Variants in ARHGAP25 observed in about 807,000 individuals in gnomAD.
The protein encoded by ARHGAP25 is rho GTPase-activating protein 25.
A neutral mutation model predicts 71.0 loss-of-function variants in ARHGAP25; 34 were observed. The ratio of observed to expected loss-of-function variants is 0.48; its 90% CI spans 0.36 to 0.64. The LOEUF (loss-of-function observed/expected upper bound fraction) is 0.64, where lower values mean the gene tolerates loss of function less well. Ranked by LOEUF, ARHGAP25 falls within the 30% of genes least tolerant of loss-of-function variation. The pLI, the probability that ARHGAP25 is intolerant of heterozygous loss-of-function variation, is 0.00. For synonymous variants in ARHGAP25, 282 were observed against 296.5 expected, an observed-to-expected ratio of 0.95 and a Z score of 0.50; for missense variants, 706 against 805.1, an observed-to-expected ratio of 0.88 and a Z score of 1.49.
At chr2:68,774,674 G>A in intron 1 of ARHGAP25, 1 of 912,670 alleles carries the variant, frequency 1.1e-6, no homozygotes, top group African/African-American at 1.8e-5. Context: ...GTCCGCTGGA[G>A]GGGGCCTGCG....
chr2:68,816,240 G>A (rs1203731149), intron 6 of ARHGAP25, 49 bp from the exon 7 acceptor site: 1 of 1,495,132 alleles, frequency 6.7e-7, no homozygotes, highest in Admixed American at 1.7e-5. Flanking sequence ...TGGCACATGG[G>A]CAGGCTCATT....
At chr2:68,818,391 A>G (rs4854522) in intron 8 of ARHGAP25, among the ~76,000 whole-genome samples, 136,916 of 152,258 alleles carry the variant, frequency 0.9, 61,917 homozygotes, top group East Asian at 0.99. Flanking sequence ...GCAGTGGTGC[A>G]AACTTAGCTC....
rs1022483437 is a variant in ARHGAP25, at chr2:68,812,355, C to T, written c.675-932C>T. Among the ~76,000 whole-genome samples, 17 of 152,314 alleles carry T rather than the reference C, an allele frequency of 1.1e-4. No homozygotes were observed. The East Asian group carries it at 1.7e-3, about 16-fold the overall frequency. ...TAGAGGCAGTGGGACAGATTTGGCT[C>T]CTGGCCCGTGGCTTGCCAAGCCCTC... On this transcript the variant is annotated intron_variant, in intron 5 of 10. Transcript: ENST00000409202.
At chr2:68,797,631 C>G (rs1220176158) in intron 4 of ARHGAP25, among the ~76,000 whole-genome samples, 1 of 152,222 alleles carries the variant, frequency 6.6e-6, no homozygotes, top group Non-Finnish European at 1.5e-5. Context: ...GCTCAAGCCC[C>G]AGTCCTGCAA....
intron 1 of ARHGAP25, among the ~76,000 whole-genome samples, chr2:68,746,851 AC>A (rs765226272): frequency 6.6e-6 from 1 of 151,984 alleles, no homozygotes; most frequent in Non-Finnish European, 1.5e-5. Flanking sequence ...TACTAAAAAT[AC>A]AAAAAATTAG....
intron 1 of ARHGAP25, among the ~76,000 whole-genome samples, chr2:68,774,432 T>A (rs1677689055): frequency 2.0e-5 from 3 of 152,158 alleles, no homozygotes; most frequent in African/African-American, 7.2e-5. Context: ...CCATGCTGAG[T>A]GCATGCAGGT....
chr2:68,739,236 A>G (rs148443381), intron 1 of ARHGAP25, among the ~76,000 whole-genome samples: 5 of 152,354 alleles, frequency 3.3e-5, no homozygotes, highest in African/African-American at 1.2e-4. Flanking sequence ...GAGACTGTGC[A>G]CTTGGATTGG....
At chr2:68,746,201 C>T (rs1161134147) in intron 1 of ARHGAP25, among the ~76,000 whole-genome samples, 1 of 152,122 alleles carries the variant, frequency 6.6e-6, no homozygotes, top group African/African-American at 2.4e-5. Context: ...TTCCTTCTGC[C>T]GTCACTCTCA....
rs1312621533 is a variant in ARHGAP25 at position 68,819,020 on chromosome 2, T to C, written c.1004-103T>C. The C allele has an allele frequency of 5.8e-6, 6 of 1,040,376 alleles. No individual in the cohort carries two copies. The Admixed American group carries it at 7.5e-5, about 13-fold the overall frequency. 64.4% of individuals were successfully genotyped at this position (1,040,376 alleles called of 1,614,324 possible). A position where few individuals can be genotyped will look rare whatever the true frequency, so the allele number is the denominator to read the frequency against. On this transcript the variant is annotated intron_variant, in intron 8 of 10. Coordinates refer to ENST00000409202, the MANE Select transcript of ARHGAP25 (RefSeq NM_001007231.3). ...CAAAATGAGGCCCTTCTGGGCCCTA[T>C]AGTTTTAGAACCGAGTTTGGAGACA...
At chr2:68,736,373 A>C in intron 1 of ARHGAP25, among the ~76,000 whole-genome samples, 1 of 152,220 alleles carries the variant, frequency 6.6e-6, no homozygotes, top group Admixed American at 6.5e-5. Flanking sequence ...GGTAATGTTC[A>C]TACCTCTTAC....
At chr2:68,821,924 T>G (rs1160093278) in intron 9 of ARHGAP25, among the ~76,000 whole-genome samples, 1 of 150,884 alleles carries the variant, frequency 6.6e-6, no homozygotes, top group Non-Finnish European at 1.5e-5. Flanking sequence ...TTTTTTTTTT[T>G]TTTTGGTTTG....
intron 4 of ARHGAP25, among the ~76,000 whole-genome samples, chr2:68,795,590 A>G (rs1573558028): frequency 6.6e-6 from 1 of 152,120 alleles, no homozygotes; most frequent in Middle Eastern, 3.4e-3. Flanking sequence ...TCCTCTTGGT[A>G]TTGATTTCTA....
intron 3 of ARHGAP25, among the ~76,000 whole-genome samples, chr2:68,784,192 A>T (rs182508947): frequency 0.011 from 1,620 of 150,006 alleles, 17 homozygotes; most frequent in African/African-American, 0.015. Context: ...TCTCTCTCTC[A>T]CACACACACA....
At chr2:68,750,828 G>C (rs530101838) in intron 1 of ARHGAP25, among the ~76,000 whole-genome samples, 1 of 152,204 alleles carries the variant, frequency 6.6e-6, no homozygotes, top group Non-Finnish European at 1.5e-5. Context: ...GCTCACACAG[G>C]GAATTAGTGT....
At chr2:68,798,320 G>C (rs1679722502) in intron 4 of ARHGAP25, among the ~76,000 whole-genome samples, 1 of 152,138 alleles carries the variant, frequency 6.6e-6, no homozygotes, top group Admixed American at 6.6e-5. Context: ...TTTCTCACCA[G>C]CTACATTTGA....
At chr2:68,719,846 C>G (rs532745465) in intron 2 of ARHGAP25, among the ~76,000 whole-genome samples, 1 of 152,258 alleles carries the variant, frequency 6.6e-6, no homozygotes, top group African/African-American at 2.4e-5. Context: ...GGTACCCAGA[C>G]CCCCATGGGT....
At position 68,807,998 on chromosome 2, in the gene ARHGAP25, C is replaced by T. The variant is rs76200909; in HGVS notation, c.674+518C>T. 3.4e-3 allele frequency among the ~76,000 whole-genome samples: 515 copies of T among 152,318 alleles called. 2 individuals carry two copies. The highest frequency in any genetic ancestry group is 0.012 in the African/African-American group (495 of 41,560). ...TCTGACTCAGTTCTGAGCCCTTTTG[C>T]AGGAGCACATCCTGATATCTTGGCC... is the stretch of plus-strand genomic sequence containing the variant. On this transcript the variant is annotated intron_variant, in intron 5 of 10. Coordinates refer to ENST00000409202, the MANE Select transcript of ARHGAP25 (RefSeq NM_001007231.3).
chr2:68,824,707 A>C (rs1034089962), intron 10 of ARHGAP25, among the ~76,000 whole-genome samples: 2 of 152,064 alleles, frequency 1.3e-5, no homozygotes, highest in African/African-American at 4.8e-5. Context: ...ATGCCACTGC[A>C]CTCCAGCCTG....
Position 68,774,338 on chromosome 2 carries a change from C to T in ARHGAP25, c.62-883C>T, listed in dbSNP as rs543529839. ...AGAGCATGGTCCTGGGTGGGGGTTA[C>T]CATGGAGACAAGATGTGGAGGTACA... On this transcript the variant is annotated intron_variant, in intron 1 of 10. Coordinates refer to ENST00000409202, the MANE Select transcript of ARHGAP25 (RefSeq NM_001007231.3). Among the ~76,000 whole-genome samples, 14 of 152,148 alleles carry T rather than the reference C, an allele frequency of 9.2e-5. No homozygotes were observed. In the South Asian group the frequency reaches 2.7e-3, roughly 29 times the overall value.
Sources: gnomAD v4.1 joint callset for allele counts (sites outside exome capture counted in the v4.1 genomes callset) on GRCh38, gnomAD v4.1.1 for gene constraint, MANE v1.5 for transcripts, NCBI Gene and HGNC (gene_info 2026-07-23, HGNC 2026-07-21) for gene names.